The following DCC variants were observed in gnomAD, a reference collection of about 807,000 sequenced individuals.
The protein encoded by DCC is netrin receptor DCC.
Under a neutral mutation model 172.5 loss-of-function variants are expected in DCC, and 58 were observed. That is an observed-to-expected ratio of 0.34 (90% CI 0.27 to 0.42). DCC has a LOEUF of 0.42. Ranked by LOEUF, DCC falls within the 10% of genes least tolerant of loss-of-function variation. DCC has a pLI of 1.00. For missense variants in DCC, 1,740 were observed against 1,791.0 expected (o/e 0.97, Z 0.51); for synonymous variants, 709 against 644.5 (o/e 1.10, Z -1.52).
chr18:53,269,874 G>A (rs1328609833), intron 12 of DCC, among the ~76,000 whole-genome samples: 2 of 152,164 alleles, frequency 1.3e-5, no homozygotes, highest in African/African-American at 2.4e-5. Context: ...TCCTAGAGGT[G>A]AGCCCCCTAG....
At chr18:52,792,673 T>C (rs184729025) in intron 2 of DCC, among the ~76,000 whole-genome samples, 3 of 151,450 alleles carry the variant, frequency 2.0e-5, no homozygotes, top group Non-Finnish European at 4.4e-5. Flanking sequence ...GGCATGCTAA[T>C]GGTATTTTTA....
At position 53,155,337 on chromosome 18, in the gene DCC, C is replaced by T. The variant is rs143694793; in HGVS notation, c.1262-2019C>T. On this transcript the variant is annotated intron_variant, in intron 7 of 28. Coordinates refer to ENST00000442544, the MANE Select transcript of DCC (RefSeq NM_005215.4). ...ACTAGGGAAAATGGACCACAAAAGC[C>T]GGTTTGAAGATTTTATATCCGCAAA... is the stretch of plus-strand genomic sequence containing the variant. Among the ~76,000 whole-genome samples, 9 of 152,176 alleles carry T rather than the reference C, an allele frequency of 5.9e-5. No homozygotes were observed. The East Asian group carries it at 1.7e-3, about 29-fold the overall frequency.
intron 2 of DCC, among the ~76,000 whole-genome samples, chr18:52,815,743 T>C (rs989395858): frequency 6.6e-6 from 1 of 152,184 alleles, no homozygotes; most frequent in Non-Finnish European, 1.5e-5. Flanking sequence ...CATCAATAAA[T>C]CATAAGTAAT....
At chr18:53,246,032 C>T (rs2056360935) in intron 12 of DCC, among the ~76,000 whole-genome samples, 1 of 152,016 alleles carries the variant, frequency 6.6e-6, no homozygotes, top group Non-Finnish European at 1.5e-5. Context: ...ATGTCTGCTA[C>T]TCAGAGCACA....
chr18:53,064,491 C>T (rs1255806973), intron 6 of DCC, among the ~76,000 whole-genome samples: 2 of 152,092 alleles, frequency 1.3e-5, no homozygotes, highest in African/African-American at 4.8e-5. Flanking sequence ...CATAGTCATC[C>T]TATGAGTCCA....
intron 2 of DCC, among the ~76,000 whole-genome samples, chr18:52,826,351 C>T (rs902626902): frequency 6.6e-6 from 1 of 152,170 alleles, no homozygotes; most frequent in African/African-American, 2.4e-5. Context: ...AAGTCCCACT[C>T]CTCTACCAAA....
intron 16 of DCC, among the ~76,000 whole-genome samples, chr18:53,390,110 G>A (rs11876853): frequency 0.42 from 64,305 of 151,882 alleles, 15,387 homozygotes; most frequent in Non-Finnish European, 0.55. Flanking sequence ...TCCTTGTGGA[G>A]ACTGCAACGT....
At chr18:52,638,831 TA>T (rs1200707083) in intron 1 of DCC, among the ~76,000 whole-genome samples, 1 of 152,156 alleles carries the variant, frequency 6.6e-6, no homozygotes, top group Non-Finnish European at 1.5e-5. Context: ...ACAATGGATT[TA>T]AACTATACCT....
At chr18:52,384,754 T>A (rs1335907246) in intron 1 of DCC, among the ~76,000 whole-genome samples, 1 of 152,130 alleles carries the variant, frequency 6.6e-6, no homozygotes, top group Non-Finnish European at 1.5e-5. Context: ...TGCATGACAA[T>A]TATAAACAGA....
intron 1 of DCC, among the ~76,000 whole-genome samples, chr18:52,738,437 G>A (rs1444499687): frequency 6.6e-6 from 1 of 151,960 alleles, no homozygotes; most frequent in Non-Finnish European, 1.5e-5. Flanking sequence ...GTAACATGAT[G>A]GTATTTGTGT....
intron 7 of DCC, among the ~76,000 whole-genome samples, chr18:53,129,922 T>C (rs1053675332): frequency 1.3e-5 from 2 of 152,000 alleles, no homozygotes; most frequent in African/African-American, 4.8e-5. Context: ...AACCCTAGAG[T>C]AGTTCTACAA....
chr18:52,362,975 T>C (rs1388401445), intron 1 of DCC, among the ~76,000 whole-genome samples: 1 of 152,122 alleles, frequency 6.6e-6, no homozygotes, highest in Admixed American at 6.5e-5. Flanking sequence ...CTCGGCTTAC[T>C]GCAACCTCTG....
At chr18:52,432,034 C>T (rs2144470784) in intron 1 of DCC, among the ~76,000 whole-genome samples, 1 of 152,266 alleles carries the variant, frequency 6.6e-6, no homozygotes, top group South Asian at 2.1e-4. Context: ...TTATCTCTAG[C>T]ACACACTTTG....
chr18:52,823,128 C>T (rs1004838626), intron 2 of DCC, among the ~76,000 whole-genome samples: 4 of 152,076 alleles, frequency 2.6e-5, no homozygotes, highest in South Asian at 4.2e-4. Context: ...ATGCAGTGTC[C>T]CCTCCCTAAA....
intron 7 of DCC, among the ~76,000 whole-genome samples, chr18:53,112,907 T>G (rs1008927052): frequency 1.3e-5 from 2 of 151,558 alleles, no homozygotes; most frequent in African/African-American, 2.4e-5. Context: ...TAAGCCTTTT[T>G]GCTTAATTTT....
chr18:52,739,183 G>A (rs147021839), intron 1 of DCC, among the ~76,000 whole-genome samples: 94 of 152,216 alleles, frequency 6.2e-4, no homozygotes, highest in African/African-American at 2.2e-3. Flanking sequence ...TGTCATACAT[G>A]CAGTCCGTCA....
At chr18:52,800,350 C>A (rs2037961130) in intron 2 of DCC, among the ~76,000 whole-genome samples, 1 of 152,138 alleles carries the variant, frequency 6.6e-6, no homozygotes, top group South Asian at 2.1e-4. Context: ...TTTTTACAGA[C>A]TGATGGAATA....
At chr18:53,143,069 A>T (rs959227240) in intron 7 of DCC, among the ~76,000 whole-genome samples, 8 of 152,196 alleles carry the variant, frequency 5.3e-5, no homozygotes, top group African/African-American at 1.9e-4. Flanking sequence ...CAGCCACATG[A>T]CATCACTGAG....
At chr18:53,480,779 G>T (rs1227924712) in intron 25 of DCC, 2 of 152,104 alleles carry the variant, frequency 1.3e-5, no homozygotes, top group Admixed American at 6.6e-5. Flanking sequence ...TGAATAATTT[G>T]CTCTTCAACG....
Sources: gnomAD v4.1 joint callset for allele counts (sites outside exome capture counted in the v4.1 genomes callset) on GRCh38, gnomAD v4.1.1 for gene constraint, MANE v1.5 for transcripts, NCBI Gene and HGNC (gene_info 2026-07-23, HGNC 2026-07-21) for gene names.